ARSF: variants seen among roughly 807,000 people sequenced by gnomAD.
The protein encoded by ARSF is arylsulfatase F.
ARSF carries 33 observed loss-of-function variants against 35.4 expected under a neutral mutation model. The observed-to-expected ratio is 0.93, with a 90% CI of 0.71 to 1.25. ARSF has a LOEUF of 1.25. Among genes scored for constraint, ARSF ranks in the 50% most tolerant of loss-of-function variants. ARSF has a pLI of 0.00. For missense variants in ARSF, 501 were observed against 480.2 expected (o/e 1.04, Z -0.40); for synonymous variants, 222 against 193.1 (o/e 1.15, Z -1.24).
In ARSF at chrX:3,084,582, G is replaced by C; in HGVS notation, c.746G>C (p.Arg249Pro). 1 of 1,210,721 alleles carries C rather than the reference G, an allele frequency of 8.3e-7. No individual in the cohort carries two copies. The highest frequency in any genetic ancestry group is 1.1e-6 in the Non-Finnish European group (1 of 894,952). Residue 249 changes from arginine to proline, a missense_variant, in exon 6 of 11, where the codon CGG (arginine) becomes CCG (proline). Physicochemically the swap from Arg to Pro is moderately radical, Grantham distance 103. Transcript: ENST00000381127. Reference protein sequence around the residue: ...SPLYWDCLLMRGHEITEQPMK... With the variant: ...SPLYWDCLLMPGHEITEQPMK... ...TTATACTGGGACTGCCTCCTCATGC[G>C]GGGGCACGAGATCACGGAGCAGCCC... is the stretch of plus-strand genomic sequence containing the variant.
At chrX:3,083,086 A>G (rs1400071302) in intron 5 of ARSF, among the ~76,000 whole-genome samples, 1 of 108,864 alleles carries the variant, frequency 9.2e-6, no homozygotes, top group Non-Finnish European at 1.9e-5. Context: ...CTATCTATTC[A>G]TCTATCCTAT....
intron 1 of ARSF, among the ~76,000 whole-genome samples, chrX:3,052,775 T>C (rs1449222348): frequency 1.8e-5 from 2 of 111,387 alleles, no homozygotes; most frequent in African/African-American, 6.5e-5. Flanking sequence ...TACCTTTTTT[T>C]ATGCATACGC....
intron 2 of ARSF, among the ~76,000 whole-genome samples, chrX:3,070,087 C>T (rs1369458310): frequency 8.9e-6 from 1 of 111,797 alleles, no homozygotes; most frequent in African/African-American, 3.2e-5. Flanking sequence ...CATCATTCTA[C>T]CCTTTCCTTC....
At chrX:3,061,625 A>G (rs2090042245) in intron 1 of ARSF, among the ~76,000 whole-genome samples, 1 of 111,114 alleles carries the variant, frequency 9.0e-6, no homozygotes, top group Admixed American at 9.7e-5. Flanking sequence ...GCAAATGGAA[A>G]GCAAAAAAAA....
intron 1 of ARSF, among the ~76,000 whole-genome samples, chrX:3,067,067 C>T (rs775793755): frequency 1.8e-5 from 2 of 109,800 alleles, no homozygotes; most frequent in South Asian, 8.0e-4. Context: ...CTTTCTGTTA[C>T]TCTCATACCC....
At position 3,103,799 on chromosome X, in the gene ARSF, C is replaced by T. The variant is rs138210846; in HGVS notation, c.1140C>T (p.Arg380=). Residue 380 remains arginine, a synonymous_variant, in exon 9 of 11, where the codon CGC becomes CGT. Coordinates refer to ENST00000381127, the MANE Select transcript of ARSF (RefSeq NM_001201539.2). ...TGGGGGGCTGGGAAGGTGGAATCCG[C>T]GTCCCAGGAATTGTCCGATGGCCTG... ...KGMGGWEGGI[R]VPGIVRWPGK... 114 of 1,209,702 alleles carry T rather than the reference C, an allele frequency of 9.4e-5. No individual in the cohort carries two copies. Among genetic ancestry groups the T allele is most frequent in the Non-Finnish European group, 1.2e-4 (111 of 895,122 alleles).
Position 3,084,294 on chromosome X carries a change from A to G in ARSF, c.458A>G (p.His153Arg). Residue 153 changes from histidine (H) to arginine (R), a missense_variant, in exon 6 of 11, where the codon CAT becomes CGT. Coordinates refer to ENST00000381127, the MANE Select transcript of ARSF (RefSeq NM_001201539.2). ...NCDSRSDQCH[H>R]PYNYGFDYYY... Reference sequence around the variant, plus strand: ...GACTCCCGAAGTGACCAGTGCCACCATCCATATAATTATGGGTTTGACTAC... The same window carrying G: ...GACTCCCGAAGTGACCAGTGCCACCGTCCATATAATTATGGGTTTGACTAC... 1 of 1,211,667 alleles carries G rather than the reference A, an allele frequency of 8.3e-7. No individual in the cohort carries two copies. Among genetic ancestry groups the G allele is most frequent in the Non-Finnish European group, 1.1e-6 (1 of 895,537 alleles).
chrX:3,045,665 C>T (rs1452778470), intron 1 of ARSF, among the ~76,000 whole-genome samples: 33 of 107,546 alleles, frequency 3.1e-4, no homozygotes, highest in Non-Finnish European at 5.6e-4. Flanking sequence ...AAGTGATTCT[C>T]CTGCCTCAGC....
chrX:3,062,271 C>A (rs1301014232), intron 1 of ARSF, among the ~76,000 whole-genome samples: 2 of 112,004 alleles, frequency 1.8e-5, no homozygotes, highest in African/African-American at 6.5e-5. Context: ...AAAGACACAA[C>A]ATACCAGAAT....
chrX:3,071,694 T>C (rs2090105503), intron 2 of ARSF, among the ~76,000 whole-genome samples: 1 of 111,409 alleles, frequency 9.0e-6, no homozygotes, highest in Non-Finnish European at 1.9e-5. Context: ...CTACTTTTAG[T>C]TCTTTAAGGA....
At chrX:3,061,105 C>T (rs1383044767) in intron 1 of ARSF, among the ~76,000 whole-genome samples, 4 of 111,569 alleles carry the variant, frequency 3.6e-5, no homozygotes, top group African/African-American at 6.5e-5. Flanking sequence ...GTGGATCTCT[C>T]GGCAGAAACT....
chrX:3,041,792 G>C (rs948405871), intron 1 of ARSF, 129 bp downstream of exon 1: 4 of 112,054 alleles, frequency 3.6e-5, no homozygotes, highest in African/African-American at 9.7e-5. Context: ...CATTTTTTAC[G>C]TGCTTTAGCC....
At chrX:3,040,688 TG>T (rs1192664621), upstream of ARSF, among the ~76,000 whole-genome samples, 7 of 110,722 alleles carry the variant, frequency 6.3e-5, no homozygotes, top group Non-Finnish European at 1.1e-4. Context: ...TGGGAGTCTC[TG>T]GGGGATTGAC....
At chrX:3,060,036 A>G (rs1271081495) in intron 1 of ARSF, among the ~76,000 whole-genome samples, 1 of 112,082 alleles carries the variant, frequency 8.9e-6, no homozygotes, top group African/African-American at 3.2e-5. Flanking sequence ...ACCTCCCAGT[A>G]GGGGCCAACT....
rs1024677053 is a variant in ARSF at position 3,110,328 on chromosome X, C to T, written c.1390+76C>T. 4.1e-6 allele frequency: 4 copies of T among 978,939 alleles called. No homozygotes were observed. In the African/African-American group the frequency reaches 7.9e-5, roughly 19 times the overall value. 80.7% of individuals were successfully genotyped at this position (978,939 alleles called of 1,213,427 possible). On this transcript the variant is annotated intron_variant, in intron 10 of 10. Transcript: ENST00000381127. ...CAGGTGTATCCTGAACGCATTCTTC[C>T]TTTCCTCTCTAGACCGGTCCTTTCA...
intron 9 of ARSF, among the ~76,000 whole-genome samples, chrX:3,107,377 G>T (rs905671127): frequency 1.2e-4 from 13 of 110,202 alleles, no homozygotes; most frequent in Non-Finnish European, 1.5e-4. Context: ...TCCATTAGTG[G>T]AGAAAAAAAG....
chrX:3,099,038 T>C (rs2090358499), intron 7 of ARSF, among the ~76,000 whole-genome samples: 1 of 110,858 alleles, frequency 9.0e-6, no homozygotes, highest in African/African-American at 3.3e-5. Flanking sequence ...CTCCTGATCA[T>C]CCTCTTTCTT....
chrX:3,108,353 T>G lies in ARSF; in HGVS notation c.1266-1775T>G, dbSNP rs182090740. ...ACATAAACCTTTCTGAAATTGTGAT[T>G]GAGATTGCTTTAAATCTATAGATCA... On this transcript the variant is annotated intron_variant, in intron 9 of 10. Transcript: ENST00000381127. Among the ~76,000 whole-genome samples the G allele has an allele frequency of 1.1e-4, 12 of 112,309 alleles. No homozygotes were observed. In the East Asian group the frequency reaches 2.5e-3, roughly 24 times the overall value.
intron 1 of ARSF, among the ~76,000 whole-genome samples, chrX:3,057,206 G>T (rs1221855789): frequency 1.8e-5 from 2 of 111,437 alleles, no homozygotes; most frequent in Non-Finnish European, 3.8e-5. Context: ...ATATTAATGA[G>T]AAGCAAAAAA....
Sources: gnomAD v4.1 joint callset for allele counts (sites outside exome capture counted in the v4.1 genomes callset) on GRCh38, gnomAD v4.1.1 for gene constraint, MANE v1.5 for transcripts, NCBI Gene and HGNC (gene_info 2026-07-23, HGNC 2026-07-21) for gene names.